The following NAALADL2 variants were observed in gnomAD, a reference collection of about 807,000 sequenced individuals.
NAALADL2 encodes N-acetylated alpha-linked acidic dipeptidase like 2.
NAALADL2 carries 76 observed loss-of-function variants against 87.2 expected under a neutral mutation model. That is an observed-to-expected ratio of 0.87 (90% CI 0.72 to 1.05). The LOEUF is 1.05. NAALADL2 is among the 50% of genes least tolerant of loss of function. NAALADL2 has a pLI of 0.00. For missense variants in NAALADL2, 1,089 were observed against 945.8 expected (o/e 1.15, Z -1.99); for synonymous variants, 354 against 331.0 (o/e 1.07, Z -0.75).
intron 1 of NAALADL2, among the ~76,000 whole-genome samples, chr3:174,517,307 A>G (rs1719993580): frequency 6.6e-6 from 1 of 152,064 alleles, no homozygotes; most frequent in Non-Finnish European, 1.5e-5. Context: ...ATAAAGCATT[A>G]TGTATTTTCA....
intron 5 of NAALADL2, among the ~76,000 whole-genome samples, chr3:175,442,959 A>G (rs1339133809): frequency 1.3e-5 from 2 of 152,202 alleles, no homozygotes; most frequent in Non-Finnish European, 2.9e-5. Context: ...TATAGTTCAT[A>G]AATACGCTTT....
At chr3:174,829,340 C>A (rs973043415) in intron 3 of NAALADL2, among the ~76,000 whole-genome samples, 48 of 150,524 alleles carry the variant, frequency 3.2e-4, no homozygotes, top group African/African-American at 1.2e-3. Flanking sequence ...TGTTCAATTC[C>A]CACCTATGAG....
chr3:175,286,052 C>T (rs1754932652), intron 4 of NAALADL2, among the ~76,000 whole-genome samples: 1 of 152,048 alleles, frequency 6.6e-6, no homozygotes, highest in Non-Finnish European at 1.5e-5. Context: ...AAAGAGAATA[C>T]AAGCTGAGGT....
At chr3:174,811,542 G>A (rs943559495) in intron 3 of NAALADL2, among the ~76,000 whole-genome samples, 4 of 152,178 alleles carry the variant, frequency 2.6e-5, no homozygotes, top group African/African-American at 9.7e-5. Context: ...TCTTGGAACA[G>A]GATTATTTAC....
chr3:174,550,209 A>T (rs2108488935), intron 1 of NAALADL2, among the ~76,000 whole-genome samples: 1 of 152,166 alleles, frequency 6.6e-6, no homozygotes, highest in Non-Finnish European at 1.5e-5. Context: ...GTTATGCACC[A>T]AAATGAAGAT....
intron 1 of NAALADL2, among the ~76,000 whole-genome samples, chr3:175,006,574 T>G (rs1749050413): frequency 1.3e-5 from 2 of 152,056 alleles, no homozygotes; most frequent in Non-Finnish European, 2.9e-5. Flanking sequence ...AAGTATTTTT[T>G]TTTCTTGTTT....
At chr3:175,779,449 A>AT (rs201057864) in intron 13 of NAALADL2, among the ~76,000 whole-genome samples, 133 of 150,936 alleles carry the variant, frequency 8.8e-4, no homozygotes, top group East Asian at 3.5e-3. Context: ...GATGTAATTC[A>AT]TTTTTTTTTC....
chr3:174,640,144 G>A (rs1398131800), intron 2 of NAALADL2, among the ~76,000 whole-genome samples: 1 of 152,180 alleles, frequency 6.6e-6, no homozygotes, highest in African/African-American at 2.4e-5. Context: ...TGCCTGCAGC[G>A]TTTCTCAATC....
chr3:174,909,773 T>C (rs1382828795), intron 1 of NAALADL2, among the ~76,000 whole-genome samples: 41 of 152,150 alleles, frequency 2.7e-4, no homozygotes, highest in Admixed American at 2.7e-3. Context: ...AGATAGAAGC[T>C]GTAAAACTAT....
rs1356965392 is a variant in NAALADL2 at position 175,809,751 on chromosome 3, T to C, written c.*6548T>C. ...ATAGTAGTTTTATATGTATTTGGAA[T>C]GTTAATATGGGACACATGCATTTAA... On this transcript the variant is annotated 3_prime_UTR_variant, in exon 14 of 14. Transcript: ENST00000454872. 6.6e-6 allele frequency: 1 copy of C among 151,988 alleles called. No individual in the cohort carries two copies. Among genetic ancestry groups the C allele is most frequent in the Non-Finnish European group, 1.5e-5 (1 of 67,958 alleles). The allele number at this position is 151,988 out of a possible 1,614,324, so 9.4% of individuals were successfully genotyped here.
chr3:174,837,713 G>A (rs1723505166), intron 3 of NAALADL2, among the ~76,000 whole-genome samples: 1 of 152,108 alleles, frequency 6.6e-6, no homozygotes, highest in Admixed American at 6.6e-5. Flanking sequence ...AGAATTGCTT[G>A]AACCTGGGAG....
intron 11 of NAALADL2, among the ~76,000 whole-genome samples, chr3:175,684,618 A>C (rs1736019585): frequency 6.6e-6 from 1 of 152,060 alleles, no homozygotes; most frequent in Non-Finnish European, 1.5e-5. Flanking sequence ...ACATAGTGAG[A>C]CCCCATCTCT....
intron 9 of NAALADL2, 96 bp from the exon 10 acceptor site, chr3:175,575,945 A>T: frequency 1.0e-6 from 1 of 989,234 alleles, no homozygotes; most frequent in Non-Finnish European, 1.5e-6. Flanking sequence ...GGAGACATTG[A>T]TGCTGCTGAT....
At chr3:174,763,836 A>C (rs929694825) in intron 3 of NAALADL2, among the ~76,000 whole-genome samples, 34 of 149,864 alleles carry the variant, frequency 2.3e-4, no homozygotes, top group African/African-American at 8.1e-4. Context: ...AAACAAAAAA[A>C]AAAAAACAAA....
intron 1 of NAALADL2, among the ~76,000 whole-genome samples, chr3:175,005,269 T>A (rs1007090566): frequency 3.3e-5 from 5 of 152,168 alleles, no homozygotes; most frequent in Middle Eastern, 3.2e-3. Flanking sequence ...CAAGGTCAAA[T>A]AAGCTAGAAA....
At chr3:174,801,421 T>C (rs577412888) in intron 3 of NAALADL2, among the ~76,000 whole-genome samples, 2 of 152,322 alleles carry the variant, frequency 1.3e-5, no homozygotes, top group South Asian at 4.1e-4. Context: ...CAGCCATGAT[T>C]GTGAGACTTC....
At chr3:175,378,592 AC>A (rs1157971523) in intron 5 of NAALADL2, among the ~76,000 whole-genome samples, 1 of 152,184 alleles carries the variant, frequency 6.6e-6, no homozygotes, top group Non-Finnish European at 1.5e-5. Flanking sequence ...TTTCTGGAGT[AC>A]TTTCTATGTG....
chr3:174,987,779 A>G (rs960096216), intron 1 of NAALADL2, among the ~76,000 whole-genome samples: 1 of 136,628 alleles, frequency 7.3e-6, no homozygotes, highest in Admixed American at 7.0e-5. Flanking sequence ...GGCATGCACT[A>G]CCATACCTGG....
At chr3:175,731,155 C>CA (rs1017632645) in intron 11 of NAALADL2, among the ~76,000 whole-genome samples, 5 of 151,980 alleles carry the variant, frequency 3.3e-5, no homozygotes, top group Non-Finnish European at 7.4e-5. Flanking sequence ...CGTGTTATAG[C>CA]AAAAAAAGTA....
Sources: allele counts gnomAD v4.1 joint callset (sites outside exome capture counted in the v4.1 genomes callset), GRCh38; gene constraint gnomAD v4.1.1; transcripts MANE v1.5; gene names NCBI Gene and HGNC (gene_info 2026-07-23, HGNC 2026-07-21).